Variants in NEGR1 observed in about 807,000 individuals in gnomAD.
NEGR1 encodes IgLON family member 4.
NEGR1 carries 10 observed loss-of-function variants against 40.9 expected under a neutral mutation model. That is an observed-to-expected ratio of 0.24 (90% CI 0.15 to 0.42). The LOEUF is 0.42. Among genes scored for constraint, NEGR1 ranks in the 10% least tolerant of loss-of-function variants. NEGR1 has a pLI of 1.00. For synonymous variants in NEGR1, 185 were observed against 166.8 expected (o/e 1.11, Z -0.84); for missense variants, 352 against 438.9 (o/e 0.80, Z 1.77).
chr1:71,748,706 ACC>A (rs1655467781), intron 3 of NEGR1, among the ~76,000 whole-genome samples: 1 of 152,146 alleles, frequency 6.6e-6, no homozygotes, highest in African/African-American at 2.4e-5. Flanking sequence ...GAAAAAATTT[ACC>A]TAAGGACTAT....
In NEGR1 at chr1:72,260,986, G is replaced by A. The variant is rs115619285; in HGVS notation, c.176+21333C>T. ...ATATTTCTGAAATATTCTAGATATA[G>A]TTATGGCTTTTGTTTATATTATACA... On this transcript the variant is annotated intron_variant, in intron 1 of 6. Transcript: ENST00000357731. Among the ~76,000 whole-genome samples the A allele has an allele frequency of 7.4e-3, 1,123 of 152,076 alleles. 15 individuals carry two copies. The highest frequency in any genetic ancestry group is 0.025 in the African/African-American group (1,048 of 41,550).
At chr1:71,483,180 A>G (rs1646865587) in intron 6 of NEGR1, among the ~76,000 whole-genome samples, 1 of 151,664 alleles carries the variant, frequency 6.6e-6, no homozygotes, top group East Asian at 2.0e-4. Context: ...CAGGCATTGC[A>G]TTTTCTAGGA....
intron 6 of NEGR1, among the ~76,000 whole-genome samples, chr1:71,436,460 A>T (rs1569869209): frequency 6.6e-6 from 1 of 152,144 alleles, no homozygotes; most frequent in African/African-American, 2.4e-5. Flanking sequence ...GACTGTTTTG[A>T]TTTTTGCTTG....
chr1:72,260,193 T>C (rs907449763), intron 1 of NEGR1, among the ~76,000 whole-genome samples: 5 of 152,034 alleles, frequency 3.3e-5, no homozygotes, highest in African/African-American at 1.2e-4. Flanking sequence ...AGAATCTAGA[T>C]TACTCTGACT....
chr1:72,275,256 T>G (rs1656008052), intron 1 of NEGR1: 1 of 553,712 alleles, frequency 1.8e-6, no homozygotes, highest in East Asian at 3.1e-5. Context: ...TTAAAAGTTA[T>G]ACCACATTTT....
intron 1 of NEGR1, among the ~76,000 whole-genome samples, chr1:72,134,300 G>T (rs1435576022): frequency 6.6e-6 from 1 of 151,178 alleles, no homozygotes; most frequent in African/African-American, 2.4e-5. Flanking sequence ...CCACCTCCCG[G>T]GTTCACGCCA....
intron 1 of NEGR1, among the ~76,000 whole-genome samples, chr1:72,199,293 A>G (rs879493950): frequency 5.3e-5 from 8 of 152,004 alleles, no homozygotes; most frequent in Non-Finnish European, 8.8e-5. Context: ...TTGCTGTGCC[A>G]GGTACTATTT....
intron 4 of NEGR1, among the ~76,000 whole-genome samples, chr1:71,682,664 T>C (rs897690194): frequency 1.3e-5 from 2 of 152,296 alleles, no homozygotes; most frequent in Middle Eastern, 3.4e-3. Context: ...GTGGCTATGA[T>C]ATAGTTTCAA....
At chr1:71,693,457 G>A (rs779191897) in intron 4 of NEGR1, among the ~76,000 whole-genome samples, 1 of 151,562 alleles carries the variant, frequency 6.6e-6, no homozygotes, top group Non-Finnish European at 1.5e-5. Context: ...GTACATCAGT[G>A]TACAAAGGAC....
At chr1:72,133,335 C>G (rs984529819) in intron 1 of NEGR1, among the ~76,000 whole-genome samples, 1 of 152,052 alleles carries the variant, frequency 6.6e-6, no homozygotes, top group African/African-American at 2.4e-5. Flanking sequence ...TTTTAACACA[C>G]TACTGCCCAT....
At chr1:72,078,402 T>G (rs1275529664) in intron 1 of NEGR1, among the ~76,000 whole-genome samples, 2 of 152,042 alleles carry the variant, frequency 1.3e-5, no homozygotes, top group East Asian at 3.9e-4. Context: ...ACATGGCTTT[T>G]GAAAAGCACA....
chr1:71,598,958 G>A (rs1482916641), intron 5 of NEGR1, among the ~76,000 whole-genome samples: 1 of 152,120 alleles, frequency 6.6e-6, no homozygotes, highest in African/African-American at 2.4e-5. Context: ...CAAGGTTCAA[G>A]GTTGATTTTG....
intron 6 of NEGR1, among the ~76,000 whole-genome samples, chr1:71,522,579 G>T (rs1166735707): frequency 6.6e-6 from 1 of 151,736 alleles, no homozygotes; most frequent in African/African-American, 2.4e-5. Context: ...ATTTCTGCTT[G>T]GTAGCAGAAA....
chr1:72,041,149 A>G (rs1328326113), intron 1 of NEGR1, among the ~76,000 whole-genome samples: 1 of 152,046 alleles, frequency 6.6e-6, no homozygotes, highest in Non-Finnish European at 1.5e-5. Context: ...TGCTATATGT[A>G]TGCCAATTTA....
At chr1:71,642,402 A>G (rs1272984141) in intron 4 of NEGR1, among the ~76,000 whole-genome samples, 2 of 151,932 alleles carry the variant, frequency 1.3e-5, no homozygotes, top group Non-Finnish European at 2.9e-5. Context: ...AGAAGGACAG[A>G]AAGAGAAGAA....
intron 6 of NEGR1, among the ~76,000 whole-genome samples, chr1:71,470,227 T>C (rs1434743906): frequency 6.6e-6 from 1 of 151,970 alleles, no homozygotes; most frequent in Admixed American, 6.6e-5. Context: ...GACCCTATCT[T>C]TTTTTTTCCT....
At chr1:72,218,063 T>C (rs1334477492) in intron 1 of NEGR1, among the ~76,000 whole-genome samples, 2 of 151,894 alleles carry the variant, frequency 1.3e-5, no homozygotes, top group African/African-American at 4.8e-5. Flanking sequence ...ATTAGGTTAA[T>C]ATGCAGTAAT....
intron 1 of NEGR1, among the ~76,000 whole-genome samples, chr1:71,949,350 G>A (rs951802718): frequency 6.6e-6 from 1 of 152,014 alleles, no homozygotes; most frequent in Non-Finnish European, 1.5e-5. Context: ...AGCATATTAG[G>A]CATCATTCTT....
In NEGR1 at chr1:71,988,923, T is replaced by TAAAAA. The variant is rs10604833; in HGVS notation, c.177-53617_177-53613dup. On this transcript the variant is annotated intron_variant, in intron 1 of 6. Coordinates refer to ENST00000357731, the MANE Select transcript of NEGR1 (RefSeq NM_173808.3). Reference sequence around the variant, plus strand: ...CAATGAGCTCTATCATATTGGATGTTAAAAAAAAAAAAAAAAAAAAAAAAA... The same window carrying TAAAAA: ...CAATGAGCTCTATCATATTGGATGTTAAAAAAAAAAAAAAAAAAAAAAAAAAAAAA... Among the ~76,000 whole-genome samples, 124 of 82,228 alleles carry TAAAAA rather than the reference T, an allele frequency of 1.5e-3. 6 individuals carry two copies. Among genetic ancestry groups the TAAAAA allele is most frequent in the African/African-American group, 6.4e-3 (111 of 17,434 alleles). The allele number at this position is 82,228 out of a possible 152,430, so 53.9% of individuals were successfully genotyped here.
Sources: gnomAD v4.1 joint callset for allele counts (sites outside exome capture counted in the v4.1 genomes callset) on GRCh38, gnomAD v4.1.1 for gene constraint, MANE v1.5 for transcripts, NCBI Gene and HGNC (gene_info 2026-07-23, HGNC 2026-07-21) for gene names.